NPIPA1: variants seen among roughly 807,000 people sequenced by gnomAD.
The protein encoded by NPIPA1 is nuclear pore complex-interacting protein family member A1.
For synonymous variants in NPIPA1, 7 were observed against 88.0 expected (o/e 0.08, Z 5.15); for missense variants, 22 against 232.2 (o/e 0.09, Z 5.88).
chr16:14,944,068 G>A (rs1965818454), intron 2 of NPIPA1, among the ~76,000 whole-genome samples: 1 of 152,090 alleles, frequency 6.6e-6, no homozygotes. Context: ...AGAATCGCTT[G>A]AATCTGGGAG....
intron 2 of NPIPA1, among the ~76,000 whole-genome samples, chr16:14,942,980 A>G (rs1175752111): frequency 6.6e-6 from 1 of 152,278 alleles, no homozygotes; most frequent in African/African-American, 2.4e-5. Flanking sequence ...AAGAGGAAGT[A>G]TGTTTCAGTT....
At chr16:14,945,226 TG>T (rs1253390202) in intron 2 of NPIPA1, among the ~76,000 whole-genome samples, 2,579 of 84,576 alleles carry the variant, frequency 0.03, 55 homozygotes, top group Middle Eastern at 0.047. Flanking sequence ...CATTCTTGTG[TG>T]GTGTGTGTGT....
At chr16:14,948,149 C>A (rs1965936913) in intron 4 of NPIPA1, among the ~76,000 whole-genome samples, 1 of 151,788 alleles carries the variant, frequency 6.6e-6, no homozygotes, top group African/African-American at 2.4e-5. Flanking sequence ...GGCAACACAG[C>A]AAACTTACCC....
At chr16:14,940,641 GGT>G (rs1965728627) in intron 1 of NPIPA1, among the ~76,000 whole-genome samples, 1 of 140,190 alleles carries the variant, frequency 7.1e-6, no homozygotes, top group Non-Finnish European at 1.5e-5. Flanking sequence ...GGGAGGCGGA[GGT>G]TGCAGTGAGC....
chr16:14,944,935 G>C lies in NPIPA1; in HGVS notation c.193-639G>C, dbSNP rs1243965734. Among the ~76,000 whole-genome samples the C allele has an allele frequency of 4.7e-4, 67 of 142,870 alleles. No individual in the cohort carries two copies. The East Asian group carries it at 0.012, about 26-fold the overall frequency. 93.7% of individuals were successfully genotyped at this position (142,870 alleles called of 152,430 possible). ...TTTTTTTTTTTTTTTTTTTGAGACA[G>C]AGTTTGAATTTTGTTGCCCATGTTG... On this transcript the variant is annotated intron_variant, in intron 2 of 7. Transcript: ENST00000328085.
intron 2 of NPIPA1, among the ~76,000 whole-genome samples, chr16:14,944,130 G>C (rs374033807): frequency 2.3e-3 from 336 of 148,016 alleles, no homozygotes; most frequent in Non-Finnish European, 3.5e-3. Flanking sequence ...GCATGGTTGA[G>C]TGACACTCCG....
rs1965659621 is a variant in NPIPA1 at position 14,938,055 on chromosome 16, C to A, written c.63+550C>A. On this transcript the variant is annotated intron_variant, in intron 1 of 7. Coordinates refer to ENST00000328085, the MANE Select transcript of NPIPA1 (RefSeq NM_006985.4). ...CCAACAGCCCCCTTCTCCTCCTTTC[C>A]CTTCCCTTACTTCCCCCCTTCCCCT... Among the ~76,000 whole-genome samples the A allele has an allele frequency of 2.3e-5, 3 of 131,820 alleles. No homozygotes were observed. The South Asian group carries it at 8.9e-4, about 39-fold the overall frequency. The allele number at this position is 131,820 out of a possible 152,430, so 86.5% of individuals were successfully genotyped here.
In NPIPA1 at chr16:14,940,433, G is replaced by A. The variant is rs1366655427; in HGVS notation, c.64-1379G>A. Among the ~76,000 whole-genome samples, 15 of 152,170 alleles carry A rather than the reference G, an allele frequency of 9.9e-5. 1 individual carries two copies. The East Asian group carries it at 2.7e-3, about 28-fold the overall frequency. Reference sequence around the variant, plus strand: ...TAAAGAAAAGATAACTACTGGCCAGGTGCAGTGGCTCACACCTGTATTGCC... The same window carrying A: ...TAAAGAAAAGATAACTACTGGCCAGATGCAGTGGCTCACACCTGTATTGCC... On this transcript the variant is annotated intron_variant, in intron 1 of 7. Coordinates refer to ENST00000328085, the MANE Select transcript of NPIPA1 (RefSeq NM_006985.4).
chr16:14,940,249 C>A (rs1406288813), intron 1 of NPIPA1, among the ~76,000 whole-genome samples: 1 of 79,482 alleles, frequency 1.3e-5, no homozygotes, highest in African/African-American at 4.3e-5. Flanking sequence ...ATGAAGTAAT[C>A]TCTTCATTGT....
intron 1 of NPIPA1, chr16:14,938,149 C>G: frequency 7.1e-7 from 1 of 1,410,146 alleles, no homozygotes; most frequent in Non-Finnish European, 9.4e-7. Context: ...CCCTTCCCTC[C>G]CCCCTGCCCT....
chr16:14,944,907 ATTTT>A (rs71270869), intron 2 of NPIPA1, among the ~76,000 whole-genome samples: 5 of 123,094 alleles, frequency 4.1e-5, no homozygotes, highest in South Asian at 2.8e-4. Context: ...CCTGGCCTAT[ATTTT>A]TTTTTTTTTT....
intron 2 of NPIPA1, among the ~76,000 whole-genome samples, chr16:14,945,239 T>TGC: frequency 7.6e-6 from 1 of 132,162 alleles, no homozygotes; most frequent in East Asian, 2.4e-4. Flanking sequence ...TGTGTGTGTG[T>TGC]GTGTGTGTGT....
Position 14,945,043 on chromosome 16 carries a change from C to T in NPIPA1, c.193-531C>T, listed in dbSNP as rs1965848768. ...TCTCCTGCCTCAGCCTCCCGACTAGCTGGGATTACAGGCATGCACCACCAT... is the reference window on the plus strand; with the variant it reads ...TCTCCTGCCTCAGCCTCCCGACTAGTTGGGATTACAGGCATGCACCACCAT... On this transcript the variant is annotated intron_variant, in intron 2 of 7. Transcript: ENST00000328085. Among the ~76,000 whole-genome samples the T allele has an allele frequency of 4.7e-5, 7 of 147,986 alleles. No homozygotes were observed. The Admixed American group carries it at 4.7e-4, about 10-fold the overall frequency.
intron 4 of NPIPA1, among the ~76,000 whole-genome samples, chr16:14,947,711 T>C (rs1322249496): frequency 6.6e-6 from 1 of 152,216 alleles, no homozygotes; most frequent in Non-Finnish European, 1.5e-5. Context: ...ATATTCTGTT[T>C]GGTGTCCCCC....
intron 2 of NPIPA1, among the ~76,000 whole-genome samples, chr16:14,943,038 T>C (rs1324074539): frequency 6.6e-6 from 1 of 152,268 alleles, no homozygotes; most frequent in African/African-American, 2.4e-5. Context: ...TTTCAAGATA[T>C]GTGGAAAACA....
chr16:14,941,526 G>C (rs1224380512), intron 1 of NPIPA1: 25 of 151,048 alleles, frequency 1.7e-4, no homozygotes, highest in African/African-American at 7.2e-4. Flanking sequence ...AGACAACTTT[G>C]CTTCTTTTAA....
chr16:14,942,493 C>G (rs1358910033), intron 2 of NPIPA1, among the ~76,000 whole-genome samples: 19 of 151,884 alleles, frequency 1.3e-4, no homozygotes, highest in African/African-American at 4.6e-4. Flanking sequence ...AGAGGGTCAG[C>G]AAATGATTTT....
intron 4 of NPIPA1, among the ~76,000 whole-genome samples, chr16:14,947,355 G>A (rs16952965): frequency 2.0e-4 from 30 of 151,968 alleles, no homozygotes; most frequent in Middle Eastern, 3.4e-3. Context: ...AATTGAGGTC[G>A]TCTCTGCAGG....
At chr16:14,949,717 C>T (rs1965970015) in intron 5 of NPIPA1, 1 of 630,828 alleles carries the variant, frequency 1.6e-6, no homozygotes, top group African/African-American at 1.9e-5. Flanking sequence ...CCTGCCTCAG[C>T]CTCCCGAGTA....
Sources: gnomAD v4.1 joint callset for allele counts (sites outside exome capture counted in the v4.1 genomes callset) on GRCh38, gnomAD v4.1.1 for gene constraint, MANE v1.5 for transcripts, NCBI Gene and HGNC (gene_info 2026-07-23, HGNC 2026-07-21) for gene names.